The following ITPR1 variants were observed in gnomAD, a reference collection of about 807,000 sequenced individuals.
ITPR1 encodes the protein inositol 1,4,5-trisphosphate-gated calcium channel ITPR1.
Under a neutral mutation model 318.4 loss-of-function variants are expected in ITPR1, and 96 were observed. That is an observed-to-expected ratio of 0.30 (90% CI 0.26 to 0.36). ITPR1 has a LOEUF of 0.36. Ranked by LOEUF, ITPR1 falls within the 10% of genes least tolerant of loss-of-function variation. The pLI is 1.00. For synonymous variants in ITPR1, 1,312 were observed against 1,289.9 expected, an observed-to-expected ratio of 1.02 and a Z score of -0.37; for missense variants, 2,440 against 3,460.2, an observed-to-expected ratio of 0.71 and a Z score of 7.40.
Position 4,661,098 on chromosome 3 carries a change from G to T in ITPR1, c.1251+11G>T, listed in dbSNP as rs766178256. On this transcript the variant is annotated intron_variant, in intron 14 of 61. Transcript: ENST00000649015. ...CCCGTGATGCTGAAAGTAAGTCCTG[G>T]GACTTGCCTGTCTCCTTTTGGTCTC... 1.3e-6 allele frequency: 2 copies of T among 1,494,430 alleles called. No homozygotes were observed. Among genetic ancestry groups the T allele is most frequent in the African/African-American group, 2.8e-5 (2 of 72,598 alleles). 92.6% of individuals were successfully genotyped at this position (1,494,430 alleles called of 1,614,324 possible). A position where few individuals can be genotyped will look rare whatever the true frequency, so the allele number is the denominator to read the frequency against.
At chr3:4,737,230 C>G (rs997446895) in intron 44 of ITPR1, among the ~76,000 whole-genome samples, 3 of 152,104 alleles carry the variant, frequency 2.0e-5, no homozygotes, top group Non-Finnish European at 1.5e-5. Context: ...AATTGAACCT[C>G]TAACAAGGAT....
In ITPR1 at chr3:4,535,442, AT is replaced by A. The variant is rs34152018; in HGVS notation, c.163+14366del. On this transcript the variant is annotated intron_variant, in intron 4 of 61. Transcript: ENST00000649015. ...AATTATTTTCTTTTTTTTTTTTTTA[AT>A]TTTTTTTTTTTTTTTTTGAGACGGA... Among the ~76,000 whole-genome samples, 989 of 100,924 alleles carry A rather than the reference AT, an allele frequency of 9.8e-3. 9 individuals are homozygous for A. The highest frequency in any genetic ancestry group is 0.036 in the African/African-American group (941 of 26,310). 66.2% of individuals were successfully genotyped at this position (100,924 alleles called of 152,430 possible). A position where few individuals can be genotyped will look rare whatever the true frequency, so the allele number is the denominator to read the frequency against.
Position 4,582,305 on chromosome 3 carries a change from C to G in ITPR1, c.164-45458C>G, listed in dbSNP as rs556635336. Reference sequence around the variant, plus strand: ...AAGAAACCGCTGGTTAATTTAATGCCTAGAGGCCATGTTCCTACTGTGTCT... The same window carrying G: ...AAGAAACCGCTGGTTAATTTAATGCGTAGAGGCCATGTTCCTACTGTGTCT... On this transcript the variant is annotated intron_variant, in intron 4 of 61. Coordinates refer to ENST00000649015, the MANE Select transcript of ITPR1 (RefSeq NM_001378452.1). 1.3e-3 allele frequency among the ~76,000 whole-genome samples: 195 copies of G among 152,254 alleles called. 1 individual carries two copies. The highest frequency in any genetic ancestry group is 3.4e-3 in the Middle Eastern group (1 of 294).
At chr3:4,713,635 G>A (rs2041546822) in intron 39 of ITPR1, among the ~76,000 whole-genome samples, 1 of 152,238 alleles carries the variant, frequency 6.6e-6, no homozygotes, top group Non-Finnish European at 1.5e-5. Context: ...ATGTCGTAAT[G>A]CATGTTATAA....
chr3:4,510,558 C>A (rs1261780007), intron 2 of ITPR1, among the ~76,000 whole-genome samples: 2 of 152,084 alleles, frequency 1.3e-5, no homozygotes, highest in Non-Finnish European at 2.9e-5. Flanking sequence ...TAGACTTTTT[C>A]ATTCATTTAT....
intron 52 of ITPR1, 140 bp from the exon 53 acceptor site, chr3:4,794,925 A>G (rs1265821257): frequency 1.1e-6 from 1 of 930,768 alleles, no homozygotes; most frequent in East Asian, 2.7e-5. Context: ...TTCCAAACAA[A>G]TGATCATTTT....
chr3:4,584,611 G>A (rs1198669223), intron 4 of ITPR1, among the ~76,000 whole-genome samples: 1 of 151,924 alleles, frequency 6.6e-6, no homozygotes, highest in East Asian at 1.9e-4. Context: ...TTGGAGGGAG[G>A]GGGCCGAAGG....
intron 33 of ITPR1, among the ~76,000 whole-genome samples, chr3:4,696,724 T>C (rs1574906414): frequency 6.7e-6 from 1 of 149,158 alleles, no homozygotes; most frequent in South Asian, 2.2e-4. Flanking sequence ...AAATATCTGA[T>C]CCGGTTTTTT....
At chr3:4,674,904 T>C (rs2094153794) in intron 22 of ITPR1, among the ~76,000 whole-genome samples, 164 bp from the exon 23 acceptor site, 1 of 152,044 alleles carries the variant, frequency 6.6e-6, no homozygotes, top group Admixed American at 6.6e-5. Flanking sequence ...TTCCTCCTTA[T>C]GAAACAAAAT....
At chr3:4,711,633 T>G in intron 38 of ITPR1, 124 bp from the exon 39 acceptor site, 1 of 655,774 alleles carries the variant, frequency 1.5e-6, no homozygotes, top group Non-Finnish European at 2.7e-6. Context: ...TGAAGTATCT[T>G]TAACCTGAGA....
chr3:4,656,172 A>G (rs2093703981), intron 12 of ITPR1, among the ~76,000 whole-genome samples: 1 of 152,164 alleles, frequency 6.6e-6, no homozygotes. Context: ...CTAGGTGGCA[A>G]GCGCCGACTG....
chr3:4,712,139 TC>T (rs1203348274), intron 39 of ITPR1, among the ~76,000 whole-genome samples: 2 of 152,236 alleles, frequency 1.3e-5, no homozygotes, highest in Admixed American at 6.5e-5. Flanking sequence ...AACAAGATTT[TC>T]CATCTATTTA....
intron 4 of ITPR1, among the ~76,000 whole-genome samples, chr3:4,621,870 T>A (rs1165068148): frequency 6.6e-6 from 1 of 152,218 alleles, no homozygotes; most frequent in Non-Finnish European, 1.5e-5. Flanking sequence ...CAACTCCAAG[T>A]TCAGATGCCA....
chr3:4,708,639 T>C (rs2094808047), intron 37 of ITPR1, among the ~76,000 whole-genome samples: 2 of 152,214 alleles, frequency 1.3e-5, no homozygotes, highest in African/African-American at 4.8e-5. Context: ...AACATGCTGG[T>C]TTCTTGTGCT....
chr3:4,623,773 G>A (rs2092723651), intron 4 of ITPR1, among the ~76,000 whole-genome samples: 2 of 152,216 alleles, frequency 1.3e-5, no homozygotes, highest in African/African-American at 4.8e-5. Context: ...AAGCAACTGG[G>A]AAGGCAGGGC....
intron 40 of ITPR1, among the ~76,000 whole-genome samples, chr3:4,719,488 T>C (rs1282869825): frequency 6.6e-6 from 1 of 152,230 alleles, no homozygotes; most frequent in Non-Finnish European, 1.5e-5. Flanking sequence ...CTGCAGAAGC[T>C]TAATGAGAAT....
At chr3:4,608,793 G>C (rs112626951) in intron 4 of ITPR1, among the ~76,000 whole-genome samples, 2,106 of 151,816 alleles carry the variant, frequency 0.014, 49 homozygotes, top group African/African-American at 0.048. Flanking sequence ...CTTGAGGTCA[G>C]GAGTTTCCGA....
chr3:4,613,085 C>A (rs181098740), intron 4 of ITPR1, among the ~76,000 whole-genome samples: 1 of 152,216 alleles, frequency 6.6e-6, no homozygotes, highest in African/African-American at 2.4e-5. Flanking sequence ...TGCTTTTATA[C>A]GTTTTAGAGA....
intron 18 of ITPR1, 139 bp from the exon 19 acceptor site, chr3:4,669,515 A>G (rs2094025967): frequency 4.4e-6 from 3 of 681,162 alleles, no homozygotes; most frequent in South Asian, 2.4e-5. Flanking sequence ...TGCCATAAAC[A>G]TTGGCATCAA....
Sources: allele counts gnomAD v4.1 joint callset (sites outside exome capture counted in the v4.1 genomes callset), GRCh38; gene constraint gnomAD v4.1.1; transcripts MANE v1.5; gene names NCBI Gene and HGNC (gene_info 2026-07-23, HGNC 2026-07-21).